MYO3B: variants seen among roughly 807,000 people sequenced by gnomAD.
MYO3B encodes the protein myosin-IIIb.
In MYO3B, 156 loss-of-function variants were observed where a neutral mutation model predicts 174.6. The ratio of observed to expected loss-of-function variants is 0.89; its 90% CI spans 0.78 to 1.02. The LOEUF (loss-of-function observed/expected upper bound fraction) is 1.02, where lower values mean the gene tolerates loss of function less well. Ranked by LOEUF, MYO3B falls within the 50% of genes least tolerant of loss-of-function variation. The pLI, the probability that MYO3B is intolerant of heterozygous loss-of-function variation, is 0.00. For missense variants in MYO3B, 1,632 were observed against 1,639.4 expected, an observed-to-expected ratio of 1.00 and a Z score of 0.08; for synonymous variants, 563 against 569.1, an observed-to-expected ratio of 0.99 and a Z score of 0.15.
intron 31 of MYO3B, among the ~76,000 whole-genome samples, chr2:170,543,647 T>C (rs1007151596): frequency 3.3e-5 from 5 of 152,162 alleles, no homozygotes; most frequent in African/African-American, 1.2e-4. Context: ...GGAAGCTAGG[T>C]TGACTCGTTC....
intron 30 of MYO3B, among the ~76,000 whole-genome samples, chr2:170,528,924 G>A (rs1207927615): frequency 2.0e-5 from 3 of 152,106 alleles, no homozygotes; most frequent in East Asian, 1.9e-4. Flanking sequence ...CTACAAAGTT[G>A]ACTAGCAAGG....
chr2:170,351,433 A>G (rs1258793546), intron 8 of MYO3B, among the ~76,000 whole-genome samples: 21 of 152,064 alleles, frequency 1.4e-4, no homozygotes, highest in Admixed American at 1.4e-3. Context: ...ACTTTTAGCC[A>G]CCTTCTGGCT....
At chr2:170,569,548 T>C (rs1300692422) in intron 32 of MYO3B, among the ~76,000 whole-genome samples, 1 of 151,622 alleles carries the variant, frequency 6.6e-6, no homozygotes, top group Non-Finnish European at 1.5e-5. Context: ...AGCTTTACTT[T>C]TTGAATTGTG....
Position 170,337,401 on chromosome 2 carries a change from C to G in MYO3B, c.815+1951C>G, listed in dbSNP as rs116348836. Reference sequence around the variant, plus strand: ...CCTAGAAAAATCCATTACATATTCACTAATATGCCTTCCCATACCAAACTC... The same window carrying G: ...CCTAGAAAAATCCATTACATATTCAGTAATATGCCTTCCCATACCAAACTC... On this transcript the variant is annotated intron_variant, in intron 8 of 34. Coordinates refer to ENST00000408978, the MANE Select transcript of MYO3B (RefSeq NM_138995.5). Among the ~76,000 whole-genome samples the G allele has an allele frequency of 8.4e-3, 1,273 of 152,254 alleles. 20 individuals are homozygous for G. Among genetic ancestry groups the G allele is most frequent in the African/African-American group, 0.03 (1,229 of 41,540 alleles).
At chr2:170,576,853 T>A (rs897497377) in intron 32 of MYO3B, among the ~76,000 whole-genome samples, 1 of 152,156 alleles carries the variant, frequency 6.6e-6, no homozygotes, top group Non-Finnish European at 1.5e-5. Context: ...AGGGTCTGAA[T>A]CACCAGCGGT....
At chr2:170,299,298 A>C (rs988999729) in intron 7 of MYO3B, among the ~76,000 whole-genome samples, 3 of 152,210 alleles carry the variant, frequency 2.0e-5, no homozygotes, top group African/African-American at 7.2e-5. Context: ...TGATTGATTG[A>C]TTAAATGAAT....
At chr2:170,277,744 G>A (rs1489431490) in intron 7 of MYO3B, among the ~76,000 whole-genome samples, 2 of 151,998 alleles carry the variant, frequency 1.3e-5, no homozygotes, top group Non-Finnish European at 2.9e-5. Flanking sequence ...GTCTTACAGA[G>A]AATGCAATCT....
At position 170,628,949 on chromosome 2, in the gene MYO3B, C is replaced by CACTT. The variant is rs2105371004; in HGVS notation, c.3734-22676_3734-22673dup. 2.0e-5 allele frequency among the ~76,000 whole-genome samples: 3 copies of CACTT among 152,198 alleles called. No individual in the cohort carries two copies. The East Asian group carries it at 5.8e-4, about 29-fold the overall frequency. On this transcript the variant is annotated intron_variant, in intron 32 of 34. Coordinates refer to ENST00000408978, the MANE Select transcript of MYO3B (RefSeq NM_138995.5). ...CTCAAGTGTCATGTTTATGTAGGCA[C>CACTT]ACTTACATCCTATGAAAACCAAAAG... is the stretch of plus-strand genomic sequence containing the variant.
At chr2:170,640,195 T>C (rs1316292889) in intron 32 of MYO3B, among the ~76,000 whole-genome samples, 2 of 152,194 alleles carry the variant, frequency 1.3e-5, no homozygotes, top group Non-Finnish European at 2.9e-5. Context: ...CCTGACCAAT[T>C]AAATTAGGAT....
chr2:170,539,095 A>G (rs1275254517), intron 30 of MYO3B, among the ~76,000 whole-genome samples: 1 of 152,230 alleles, frequency 6.6e-6, no homozygotes, highest in African/African-American at 2.4e-5. Context: ...GATCCGATCT[A>G]GAATGTTACA....
rs188427758 is a variant in MYO3B at position 170,345,470 on chromosome 2, G to A, written c.815+10020G>A. On this transcript the variant is annotated intron_variant, in intron 8 of 34. Coordinates refer to ENST00000408978, the MANE Select transcript of MYO3B (RefSeq NM_138995.5). The stretch of plus-strand genomic sequence containing the variant: ...TGTCATACCAGGTTAGTGAATGGAG[G>A]GGGAAATTTCATAATTTATTTTTAG... Among the ~76,000 whole-genome samples, 196 of 152,130 alleles carry A rather than the reference G, an allele frequency of 1.3e-3. 1 individual carries two copies. Among genetic ancestry groups the A allele is most frequent in the African/African-American group, 4.4e-3 (183 of 41,502 alleles).
At chr2:170,621,241 G>A (rs1695891713) in intron 32 of MYO3B, among the ~76,000 whole-genome samples, 1 of 152,148 alleles carries the variant, frequency 6.6e-6, no homozygotes, top group Admixed American at 6.5e-5. Context: ...TGTCACATAT[G>A]TATAGAAACA....
intron 32 of MYO3B, among the ~76,000 whole-genome samples, chr2:170,603,401 A>G (rs532555883): frequency 6.6e-6 from 1 of 152,356 alleles, no homozygotes; most frequent in Admixed American, 6.5e-5. Context: ...TATATAAGCC[A>G]TTTGATAGCC....
intron 7 of MYO3B, among the ~76,000 whole-genome samples, chr2:170,293,343 G>GTTACTAT (rs2093608278): frequency 6.6e-6 from 1 of 152,082 alleles, no homozygotes; most frequent in South Asian, 2.1e-4. Context: ...CTATATAAGT[G>GTTACTAT]ATATTTTTGC....
intron 32 of MYO3B, among the ~76,000 whole-genome samples, chr2:170,616,778 C>A (rs1168931147): frequency 6.6e-6 from 1 of 152,208 alleles, no homozygotes; most frequent in Non-Finnish European, 1.5e-5. Flanking sequence ...TCTAAAACTT[C>A]AGCACCGGGT....
Position 170,335,412 on chromosome 2 carries a change from A to G in MYO3B, c.777A>G (p.Pro259=). 3 of 1,611,944 alleles carry G rather than the reference A, an allele frequency of 1.9e-6. No individual in the cohort carries two copies. The highest frequency in any genetic ancestry group is 2.5e-6 in the Non-Finnish European group (3 of 1,179,046). ...PRNPPPTLLH[P]EKWCEEFNHF... ...ATCCTCCACCTACTTTACTTCATCC[A>G]GAAAAATGGTGTGAAGAATTCAACC... Residue 259 remains proline, a synonymous_variant, in exon 8 of 35, where the codon CCA becomes CCG. Transcript: ENST00000408978.
At chr2:170,401,741 G>A (rs376873324) in intron 18 of MYO3B, 50 bp downstream of exon 18, 8 of 1,537,274 alleles carry the variant, frequency 5.2e-6, no homozygotes, top group South Asian at 4.5e-5. Flanking sequence ...CATTGACCCC[G>A]CCGTCTCTTA....
chr2:170,501,706 A>G, intron 27 of MYO3B, 79 bp from the exon 28 acceptor site: 2 of 921,138 alleles, frequency 2.2e-6, no homozygotes, highest in South Asian at 1.4e-5. Flanking sequence ...AATAGGCTGG[A>G]GGGGAAAACA....
chr2:170,214,231 G>C (rs2092803533), intron 3 of MYO3B, 148 bp from the exon 4 acceptor site: 1 of 587,170 alleles, frequency 1.7e-6, no homozygotes, highest in Non-Finnish European at 3.0e-6. Flanking sequence ...TAATGGAAAT[G>C]TGAAGTCTGA....
Sources: gnomAD v4.1 joint callset for allele counts (sites outside exome capture counted in the v4.1 genomes callset) on GRCh38, gnomAD v4.1.1 for gene constraint, MANE v1.5 for transcripts, NCBI Gene and HGNC (gene_info 2026-07-23, HGNC 2026-07-21) for gene names.